Variants in PRRG1 observed in about 807,000 individuals in gnomAD.
PRRG1 encodes proline rich and Gla domain 1.
A neutral mutation model predicts 11.8 loss-of-function variants in PRRG1; 5 were observed. The ratio of observed to expected loss-of-function variants is 0.42; its 90% CI spans 0.22 to 0.89. The LOEUF is 0.89. PRRG1 is among the 40% of genes least tolerant of loss of function. The probability of loss-of-function intolerance (pLI) is 0.28; values close to 1 mark genes in which losing one functional copy is unlikely to be tolerated. For synonymous variants in PRRG1, 66 were observed against 60.4 expected (o/e 1.09, Z -0.43); for missense variants, 155 against 166.1 (o/e 0.93, Z 0.37).
intron 1 of PRRG1, among the ~76,000 whole-genome samples, chrX:37,405,043 T>G (rs944445093): frequency 1.8e-5 from 2 of 111,951 alleles, no homozygotes; most frequent in Admixed American, 9.5e-5. Context: ...ATTAGCATTT[T>G]AAAGGCTCTG....
chrX:37,382,951 A>G (rs1177222712), intron 1 of PRRG1, among the ~76,000 whole-genome samples: 4 of 111,616 alleles, frequency 3.6e-5, no homozygotes, highest in Admixed American at 9.5e-5. Context: ...GAGAATTCAT[A>G]GCACTCCAGT....
intron 3 of PRRG1, among the ~76,000 whole-genome samples, chrX:37,426,613 G>A (rs993161817): frequency 9.0e-6 from 1 of 111,666 alleles, no homozygotes; most frequent in African/African-American, 3.3e-5. Flanking sequence ...TAAACAAGTG[G>A]TGTCACTTAT....
chrX:37,376,549 G>GTATATATATATATATATATATATATA (rs1491489103), intron 1 of PRRG1, among the ~76,000 whole-genome samples: 322 of 15,966 alleles, frequency 0.02, 51 homozygotes, highest in Middle Eastern at 0.048. Context: ...AGAAATGTGA[G>GTATATATATATATATATATATATATA]TGTATATATA....
intron 1 of PRRG1, among the ~76,000 whole-genome samples, chrX:37,399,439 T>C (rs1306112748): frequency 9.2e-6 from 1 of 108,770 alleles, no homozygotes; most frequent in Admixed American, 9.8e-5. Context: ...GCTGAGAGAT[T>C]TTGTCACCAC....
intron 3 of PRRG1, chrX:37,441,958 A>G (rs1932988693): frequency 2.6e-6 from 2 of 768,934 alleles, no homozygotes; most frequent in Non-Finnish European, 3.1e-6. Context: ...GGTCAAGGCC[A>G]TCAAAAAGCT....
intron 1 of PRRG1, among the ~76,000 whole-genome samples, chrX:37,394,932 A>G (rs1253870157): frequency 8.9e-6 from 1 of 112,048 alleles, no homozygotes; most frequent in Non-Finnish European, 1.9e-5. Flanking sequence ...CACTTAATGT[A>G]TTGAACCATA....
At chrX:37,398,032 G>T (rs782586728) in intron 1 of PRRG1, among the ~76,000 whole-genome samples, 2 of 105,628 alleles carry the variant, frequency 1.9e-5, no homozygotes, top group Admixed American at 2.0e-4. Context: ...GCTGAAAGAA[G>T]GGACCAGATG....
chrX:37,389,114 C>T, intron 1 of PRRG1, among the ~76,000 whole-genome samples: 1 of 111,508 alleles, frequency 9.0e-6, no homozygotes, highest in Non-Finnish European at 1.9e-5. Flanking sequence ...GGCCTTTGCT[C>T]CATTTTCCAG....
intron 3 of PRRG1, among the ~76,000 whole-genome samples, chrX:37,438,430 CTT>C (rs782783420): frequency 2.5e-4 from 17 of 69,005 alleles, no homozygotes; most frequent in African/African-American, 7.5e-4. Context: ...GAATTTTTTC[CTT>C]TTTTTTTTTT....
intron 2 of PRRG1, among the ~76,000 whole-genome samples, chrX:37,407,317 A>G (rs1556382325): frequency 8.9e-6 from 1 of 112,309 alleles, no homozygotes; most frequent in Non-Finnish European, 1.9e-5. Flanking sequence ...CCTAAGAAAC[A>G]GAACTGCAAA....
intron 1 of PRRG1, among the ~76,000 whole-genome samples, chrX:37,392,672 A>G (rs1409324099): frequency 3.9e-4 from 43 of 109,077 alleles, no homozygotes; most frequent in Non-Finnish European, 5.2e-4. Flanking sequence ...AAAAAAAAAA[A>G]AAAGAAAGAA....
rs1456311442 is a variant in PRRG1, at chrX:37,456,439, T to A, written c.*2818T>A. On this transcript the variant is annotated 3_prime_UTR_variant, in exon 4 of 4. Coordinates refer to ENST00000378628, the MANE Select transcript of PRRG1 (RefSeq NM_001142395.2). ...TGATGTTTGAAGCCAAAAAGCCAAA[T>A]GCTTAAACTGATCAATGACTGTAGC... 1 of 112,698 alleles carries A rather than the reference T, an allele frequency of 8.9e-6. No homozygotes were observed. Among genetic ancestry groups the A allele is most frequent in the Non-Finnish European group, 1.9e-5 (1 of 53,309 alleles). The allele number at this position is 112,698 out of a possible 1,213,427, so 9.3% of individuals were successfully genotyped here.
intron 1 of PRRG1, among the ~76,000 whole-genome samples, chrX:37,391,997 T>C (rs1931554234): frequency 9.0e-6 from 1 of 110,995 alleles, no homozygotes; most frequent in Admixed American, 9.6e-5. Context: ...TTTTTTTTTT[T>C]GACTTGTTGA....
chrX:37,369,719 C>T (rs1229776625), intron 1 of PRRG1, among the ~76,000 whole-genome samples: 2 of 111,445 alleles, frequency 1.8e-5, no homozygotes, highest in Non-Finnish European at 3.8e-5. Context: ...ATAATCCCCA[C>T]GTGTCATAGG....
intron 1 of PRRG1, among the ~76,000 whole-genome samples, chrX:37,358,531 A>G (rs1202156226): frequency 1.8e-5 from 2 of 111,340 alleles, no homozygotes; most frequent in Non-Finnish European, 3.8e-5. Context: ...GTCAAAGATC[A>G]GTTGACGATA....
chrX:37,380,702 G>T (rs1411628388), intron 1 of PRRG1, among the ~76,000 whole-genome samples: 2 of 111,353 alleles, frequency 1.8e-5, no homozygotes, highest in Non-Finnish European at 3.8e-5. Flanking sequence ...TTTACAGATA[G>T]ATTTGAATCC....
At chrX:37,356,906 A>G (rs1930252782) in intron 1 of PRRG1, among the ~76,000 whole-genome samples, 1 of 110,992 alleles carries the variant, frequency 9.0e-6, no homozygotes, top group African/African-American at 3.3e-5. Context: ...CCATTGACAT[A>G]TCATTATCAC....
chrX:37,445,721 A>G (rs1410329018), intron 3 of PRRG1, among the ~76,000 whole-genome samples: 1 of 112,855 alleles, frequency 8.9e-6, no homozygotes, highest in Non-Finnish European at 1.9e-5. Flanking sequence ...TTTATAAATC[A>G]TTTGGCAACC....
intron 2 of PRRG1, among the ~76,000 whole-genome samples, chrX:37,411,712 G>A (rs1042457565): frequency 1.8e-5 from 2 of 111,790 alleles, no homozygotes; most frequent in Non-Finnish European, 3.8e-5. Context: ...TACCTTAAAA[G>A]CAGAGCTTCT....
Sources: gnomAD v4.1 joint callset for allele counts (sites outside exome capture counted in the v4.1 genomes callset) on GRCh38, gnomAD v4.1.1 for gene constraint, MANE v1.5 for transcripts, NCBI Gene and HGNC (gene_info 2026-07-23, HGNC 2026-07-21) for gene names.